The following PDE1A variants were observed in gnomAD, a reference collection of about 807,000 sequenced individuals.
PDE1A encodes phosphodiesterase 1A, also known as dual specificity calcium/calmodulin-dependent 3',5'-cyclic nucleotide phosphodiesterase 1A.
A neutral mutation model predicts 61.7 loss-of-function variants in PDE1A; 35 were observed. The observed-to-expected ratio is 0.57, with a 90% CI of 0.43 to 0.75. PDE1A has a LOEUF of 0.75. Among genes scored for constraint, PDE1A ranks in the 30% least tolerant of loss-of-function variants. The pLI, the probability that PDE1A is intolerant of heterozygous loss-of-function variation, is 0.00. For synonymous variants in PDE1A, 232 were observed against 213.2 expected (o/e 1.09, Z -0.77); for missense variants, 597 against 630.6 (o/e 0.95, Z 0.57).
At chr2:182,390,214 CT>C (rs200840099) in intron 1 of PDE1A, among the ~76,000 whole-genome samples, 3,186 of 152,156 alleles carry the variant, frequency 0.021, 112 homozygotes, top group African/African-American at 0.073. Flanking sequence ...TCTAGAGGAA[CT>C]GAATTTAAGG....
chr2:182,329,534 C>T (rs901424934), intron 1 of PDE1A, among the ~76,000 whole-genome samples: 3 of 152,048 alleles, frequency 2.0e-5, no homozygotes, highest in African/African-American at 4.8e-5. Context: ...GGATTACAGG[C>T]ACCCGCCAGC....
chr2:182,626,762 C>CATATATATATACATATATATATACATAT, the PDE1A span, among the ~76,000 whole-genome samples: 2 of 10,812 alleles, frequency 1.8e-4, no homozygotes, highest in Non-Finnish European at 3.9e-4. Context: ...TATATATATA[C>CATATATATATACATATATATATACATAT]ATATATATAC....
intron 1 of PDE1A, among the ~76,000 whole-genome samples, chr2:182,350,027 A>G (rs552653220): frequency 1.3e-5 from 2 of 152,312 alleles, no homozygotes; most frequent in African/African-American, 4.8e-5. Flanking sequence ...TTATCAGGAC[A>G]CTGAAAGTTC....
the PDE1A span, among the ~76,000 whole-genome samples, chr2:182,664,382 G>A: frequency 6.6e-6 from 1 of 152,130 alleles, no homozygotes; most frequent in Non-Finnish European, 1.5e-5. Context: ...TATGTAATTT[G>A]TGGTATATTT....
the PDE1A span, among the ~76,000 whole-genome samples, chr2:182,693,637 C>CTTTTTTTTTTTTTTTTTTTTTTTT: frequency 3.2e-5 from 4 of 123,428 alleles, no homozygotes; most frequent in Admixed American, 8.8e-5. Context: ...TGATAGTGTT[C>CTTTTTTTTTTTTTTTTTTTTTTTT]TTTTTTTTTT....
chr2:182,706,626 G>C, the PDE1A span, among the ~76,000 whole-genome samples: 6 of 151,890 alleles, frequency 4.0e-5, no homozygotes, highest in East Asian at 1.9e-4. Flanking sequence ...TTCTTTCTTT[G>C]TTTTCATATT....
chr2:182,457,745 T>G (rs1301305038), intron 2 of PDE1A, among the ~76,000 whole-genome samples: 3 of 152,082 alleles, frequency 2.0e-5, no homozygotes, highest in African/African-American at 7.2e-5. Flanking sequence ...GGAAGTGCTT[T>G]AGACTTATAT....
At chr2:182,322,538 CTG>C (rs1696761373) in intron 1 of PDE1A, among the ~76,000 whole-genome samples, 1 of 152,212 alleles carries the variant, frequency 6.6e-6, no homozygotes, top group Non-Finnish European at 1.5e-5. Context: ...CCATGTGGAA[CTG>C]TGAGTCCATT....
At chr2:182,157,304 T>G (rs929572638) in intron 13 of PDE1A, among the ~76,000 whole-genome samples, 2 of 152,146 alleles carry the variant, frequency 1.3e-5, no homozygotes, top group Non-Finnish European at 2.9e-5. Flanking sequence ...TGTGAGCCAC[T>G]GTGACCAGCC....
At chr2:182,398,121 A>T (rs1701810360) in intron 1 of PDE1A, among the ~76,000 whole-genome samples, 1 of 152,086 alleles carries the variant, frequency 6.6e-6, no homozygotes. Flanking sequence ...AGAAAATGTA[A>T]GAAATAAAAA....
At chr2:182,278,799 G>A (rs548140937) in intron 1 of PDE1A, among the ~76,000 whole-genome samples, 2 of 152,014 alleles carry the variant, frequency 1.3e-5, no homozygotes, top group South Asian at 2.1e-4. Context: ...ATTTGGAGGG[G>A]AAGAAAAATC....
chr2:182,264,899 A>ATATATG (rs1488868321), intron 1 of PDE1A, among the ~76,000 whole-genome samples: 1 of 144,600 alleles, frequency 6.9e-6, no homozygotes, highest in Non-Finnish European at 1.5e-5. Context: ...ATATGTATAT[A>ATATATG]TATACACCAT....
At chr2:182,675,300 T>C in the PDE1A span, among the ~76,000 whole-genome samples, 26 of 152,318 alleles carry the variant, frequency 1.7e-4, no homozygotes, top group Middle Eastern at 3.4e-3. Context: ...TTGTTTTTTA[T>C]GGCTGCATAG....
chr2:182,478,416 C>T (rs971616698), intron 2 of PDE1A, among the ~76,000 whole-genome samples: 12 of 151,724 alleles, frequency 7.9e-5, no homozygotes, highest in Admixed American at 3.9e-4. Context: ...GCATTGAGGA[C>T]AATGTCCAGC....
At chr2:182,265,244 C>T (rs1400570784) in intron 1 of PDE1A, among the ~76,000 whole-genome samples, 2 of 150,566 alleles carry the variant, frequency 1.3e-5, no homozygotes, top group South Asian at 4.3e-4. Flanking sequence ...CTGTACCCCC[C>T]AAAAAAACTA....
chr2:182,232,889 T>C (rs1475472453), intron 4 of PDE1A, among the ~76,000 whole-genome samples: 1 of 152,212 alleles, frequency 6.6e-6, no homozygotes, highest in Admixed American at 6.5e-5. Flanking sequence ...ACCCTGATGA[T>C]TTACATTTCT....
At chr2:182,327,123 C>T (rs1697097118) in intron 1 of PDE1A, among the ~76,000 whole-genome samples, 1 of 152,134 alleles carries the variant, frequency 6.6e-6, no homozygotes. Context: ...AACAAAGTTC[C>T]TGTTTTAGTA....
chr2:182,555,653 T>A, the PDE1A span, among the ~76,000 whole-genome samples: 443 of 152,250 alleles, frequency 2.9e-3, 1 homozygote, highest in African/African-American at 0.01. Flanking sequence ...AGGAATTTTT[T>A]AAGATAATAT....
the PDE1A span, among the ~76,000 whole-genome samples, chr2:182,607,835 A>C: frequency 2.0e-4 from 31 of 152,344 alleles, no homozygotes; most frequent in African/African-American, 7.2e-4. Flanking sequence ...AGGGGGAGGA[A>C]CTAAGTGGGA....
Sources: gnomAD v4.1 joint callset for allele counts (sites outside exome capture counted in the v4.1 genomes callset) on GRCh38, gnomAD v4.1.1 for gene constraint, MANE v1.5 for transcripts, NCBI Gene and HGNC (gene_info 2026-07-23, HGNC 2026-07-21) for gene names.